SEMA6D: variants seen among roughly 807,000 people sequenced by gnomAD.
The protein encoded by SEMA6D is semaphorin 6D.
In SEMA6D, 35 loss-of-function variants were observed where a neutral mutation model predicts 106.6. That is an observed-to-expected ratio of 0.33 (90% CI 0.25 to 0.44). The LOEUF is 0.44. SEMA6D is among the 20% of genes least tolerant of loss of function. The pLI is 1.00. For missense variants in SEMA6D, 1,185 were observed against 1,345.9 expected (o/e 0.88, Z 1.87); for synonymous variants, 499 against 487.7 (o/e 1.02, Z -0.31).
chr15:47,472,414 C>G (rs2042878239), intron 3 of SEMA6D, among the ~76,000 whole-genome samples: 1 of 152,134 alleles, frequency 6.6e-6, no homozygotes, highest in Non-Finnish European at 1.5e-5. Flanking sequence ...TTCCAAATCA[C>G]AAGAGCAGGA....
intron 1 of SEMA6D, among the ~76,000 whole-genome samples, chr15:47,185,406 G>A (rs918699763): frequency 1.3e-5 from 2 of 152,196 alleles, no homozygotes; most frequent in African/African-American, 4.8e-5. Flanking sequence ...GAGTAACGAA[G>A]ATGGAGTTTT....
At chr15:47,471,367 C>A (rs929519624) in intron 3 of SEMA6D, among the ~76,000 whole-genome samples, 2 of 152,196 alleles carry the variant, frequency 1.3e-5, no homozygotes, top group Admixed American at 6.5e-5. Flanking sequence ...CTTTCCCCCC[C>A]AGAAATGGGT....
intron 2 of SEMA6D, among the ~76,000 whole-genome samples, chr15:47,419,648 CT>C (rs1245030376): frequency 2.6e-5 from 4 of 152,094 alleles, no homozygotes; most frequent in Non-Finnish European, 5.9e-5. Context: ...TAAAAGCTAT[CT>C]CTTGAAAGGG....
chr15:47,430,590 G>A (rs899382743), intron 2 of SEMA6D, among the ~76,000 whole-genome samples: 2 of 152,082 alleles, frequency 1.3e-5, no homozygotes, highest in Non-Finnish European at 2.9e-5. Context: ...GTCTGCACCT[G>A]GAAATACTAA....
intron 1 of SEMA6D, among the ~76,000 whole-genome samples, chr15:47,233,759 G>A (rs1160826681): frequency 2.0e-5 from 3 of 151,928 alleles, no homozygotes; most frequent in African/African-American, 4.8e-5. Context: ...TTTGTATGTC[G>A]ATTTTGTATC....
At chr15:47,320,586 A>G (rs1243800336) in intron 1 of SEMA6D, among the ~76,000 whole-genome samples, 1 of 152,108 alleles carries the variant, frequency 6.6e-6, no homozygotes, top group African/African-American at 2.4e-5. Context: ...CCTATGCACC[A>G]TATACTACAG....
At chr15:47,307,995 G>A (rs1334970714) in intron 1 of SEMA6D, among the ~76,000 whole-genome samples, 1 of 148,286 alleles carries the variant, frequency 6.7e-6, no homozygotes, top group Non-Finnish European at 1.5e-5. Context: ...TTTTTTACAT[G>A]TTTGTTGCCT....
intron 1 of SEMA6D, among the ~76,000 whole-genome samples, chr15:47,204,272 G>C (rs1894903390): frequency 6.6e-6 from 1 of 152,008 alleles, no homozygotes; most frequent in Admixed American, 6.6e-5. Flanking sequence ...ACAGAGACTT[G>C]GTACTTTTCC....
chr15:47,587,242 C>T (rs1287800774), intron 3 of SEMA6D, among the ~76,000 whole-genome samples: 1 of 152,154 alleles, frequency 6.6e-6, no homozygotes, highest in Non-Finnish European at 1.5e-5. Context: ...CCACCCGTCA[C>T]GGCTCTGTCC....
chr15:47,286,056 A>G (rs2035347700), intron 1 of SEMA6D, among the ~76,000 whole-genome samples: 1 of 152,162 alleles, frequency 6.6e-6, no homozygotes, highest in Non-Finnish European at 1.5e-5. Context: ...TCTATGCCTT[A>G]TTCAGAATGC....
At chr15:47,314,616 A>G (rs1178766672) in intron 1 of SEMA6D, among the ~76,000 whole-genome samples, 8 of 145,166 alleles carry the variant, frequency 5.5e-5, no homozygotes, top group Non-Finnish European at 3.0e-5. Context: ...AAAAAAAAAA[A>G]AAGAATTCTT....
At chr15:47,746,982 G>GTATATATATATATATATATATA (rs1208849790) in intron 1 of SEMA6D, among the ~76,000 whole-genome samples, 1 of 89,828 alleles carries the variant, frequency 1.1e-5, no homozygotes, top group Non-Finnish European at 2.3e-5. Context: ...GTGTGTGTGT[G>GTATATATATATATATATATATA]TGTATATATA....
At chr15:47,365,577 C>T (rs886242212) in intron 1 of SEMA6D, among the ~76,000 whole-genome samples, 5 of 152,004 alleles carry the variant, frequency 3.3e-5, no homozygotes, top group South Asian at 2.1e-4. Context: ...AAACAGAATC[C>T]GGGCCGGGCA....
chr15:47,350,628 A>C (rs1427926033), intron 1 of SEMA6D, among the ~76,000 whole-genome samples: 1 of 152,168 alleles, frequency 6.6e-6, no homozygotes, highest in African/African-American at 2.4e-5. Context: ...TTCCAATGCA[A>C]AAGCTTGTTC....
chr15:47,644,053 T>C (rs1329194121), intron 4 of SEMA6D, among the ~76,000 whole-genome samples: 3 of 152,180 alleles, frequency 2.0e-5, no homozygotes, highest in Non-Finnish European at 4.4e-5. Context: ...CCTGGCTATA[T>C]ACCTGGGGAG....
chr15:47,192,797 C>T (rs1386858191), intron 1 of SEMA6D, among the ~76,000 whole-genome samples: 1 of 152,096 alleles, frequency 6.6e-6, no homozygotes, highest in Non-Finnish European at 1.5e-5. Flanking sequence ...TTGGAAGAGA[C>T]AACTTGATGG....
chr15:47,643,698 A>G (rs1282392360), intron 4 of SEMA6D, among the ~76,000 whole-genome samples: 1 of 152,216 alleles, frequency 6.6e-6, no homozygotes, highest in Admixed American at 6.5e-5. Context: ...ACAATTTGTA[A>G]TGATCAAATC....
intron 1 of SEMA6D, among the ~76,000 whole-genome samples, chr15:47,306,216 C>A (rs924578866): frequency 2.0e-5 from 3 of 151,920 alleles, no homozygotes; most frequent in Admixed American, 1.3e-4. Flanking sequence ...ATGTCTTGAC[C>A]TTGTGATCTG....
intron 3 of SEMA6D, among the ~76,000 whole-genome samples, chr15:47,485,284 A>G (rs1596122024): frequency 6.6e-6 from 1 of 152,122 alleles, no homozygotes. Flanking sequence ...ATTGAATGAA[A>G]CCAACTAATA....
Sources: allele counts gnomAD v4.1 joint callset (sites outside exome capture counted in the v4.1 genomes callset), GRCh38; gene constraint gnomAD v4.1.1; transcripts MANE v1.5; gene names NCBI Gene and HGNC (gene_info 2026-07-23, HGNC 2026-07-21).